ZNF804B: variants seen among roughly 807,000 people sequenced by gnomAD.
ZNF804B encodes the protein zinc finger 804B.
A neutral mutation model predicts 101.4 loss-of-function variants in ZNF804B; 80 were observed. The ratio of observed to expected loss-of-function variants is 0.79; its 90% CI spans 0.66 to 0.95. The LOEUF is 0.95. Ranked by LOEUF, ZNF804B falls within the 40% of genes least tolerant of loss-of-function variation. The pLI is 0.00. For synonymous variants in ZNF804B, 622 were observed against 558.8 expected, an observed-to-expected ratio of 1.11 and a Z score of -1.59; for missense variants, 1,673 against 1,561.9, an observed-to-expected ratio of 1.07 and a Z score of -1.20.
At chr7:89,283,686 A>G (rs1037564253) in intron 2 of ZNF804B, among the ~76,000 whole-genome samples, 1 of 152,046 alleles carries the variant, frequency 6.6e-6, no homozygotes, top group African/African-American at 2.4e-5. Flanking sequence ...AGAAATTATA[A>G]TTGTTTTTAT....
rs575526906 is a variant in ZNF804B at position 89,281,454 on chromosome 7, T to C, written c.250-45890T>C. Among the ~76,000 whole-genome samples, 317 of 152,314 alleles carry C rather than the reference T, an allele frequency of 2.1e-3. 1 individual carries two copies. Among genetic ancestry groups the C allele is most frequent in the African/African-American group, 7.3e-3 (303 of 41,592 alleles). On this transcript the variant is annotated intron_variant, in intron 2 of 3. Transcript: ENST00000333190. ...TAACATGAATTTATTTCAACCAGAA[T>C]AATTTAGGATGATTTGTAAAAATTC... is the stretch of plus-strand genomic sequence containing the variant.
rs869050718 is a variant in ZNF804B at position 88,898,073 on chromosome 7, C to CTTTTTTTTTTT, written c.108+138010_108+138020dup. ...CCTCCTTCCTATATTACTTCTCCAT[C>CTTTTTTTTTTT]TTTTTTTTTTTTTTTTTTTTTTTTT... On this transcript the variant is annotated intron_variant, in intron 1 of 3. Coordinates refer to ENST00000333190, the MANE Select transcript of ZNF804B (RefSeq NM_181646.5). Among the ~76,000 whole-genome samples, 6 of 56,572 alleles carry CTTTTTTTTTTT rather than the reference C, an allele frequency of 1.1e-4. 3 individuals carry two copies. The highest frequency in any genetic ancestry group is 1.8e-4 in the Non-Finnish European group (6 of 33,346). The allele number at this position is 56,572 out of a possible 152,430, so 37.1% of individuals were successfully genotyped here.
intron 1 of ZNF804B, among the ~76,000 whole-genome samples, chr7:88,799,818 T>C (rs1790552042): frequency 6.6e-6 from 1 of 152,106 alleles, no homozygotes; most frequent in African/African-American, 2.4e-5. Flanking sequence ...TGATGTTTAG[T>C]GCTTTAGAAA....
chr7:89,055,636 G>A (rs1013981492), intron 1 of ZNF804B, among the ~76,000 whole-genome samples: 3 of 151,996 alleles, frequency 2.0e-5, no homozygotes, highest in Non-Finnish European at 2.9e-5. Context: ...CTGCCCACCC[G>A]CTTCCTTTGT....
chr7:88,944,080 T>C (rs1793092737), intron 1 of ZNF804B, among the ~76,000 whole-genome samples: 2 of 151,908 alleles, frequency 1.3e-5, no homozygotes, highest in Admixed American at 1.3e-4. Flanking sequence ...TAAATTTGTG[T>C]GTAGAAATAT....
At chr7:88,951,136 G>A (rs927828836) in intron 1 of ZNF804B, among the ~76,000 whole-genome samples, 2 of 151,826 alleles carry the variant, frequency 1.3e-5, no homozygotes, top group African/African-American at 2.4e-5. Flanking sequence ...CTCTAGCATG[G>A]CAGAAAACCT....
At chr7:89,147,294 G>T (rs901321260) in intron 1 of ZNF804B, among the ~76,000 whole-genome samples, 3 of 151,792 alleles carry the variant, frequency 2.0e-5, no homozygotes, top group Non-Finnish European at 2.9e-5. Context: ...TTTAACCCAG[G>T]TATTGGAGAG....
At chr7:88,854,939 AT>A (rs1791532573) in intron 1 of ZNF804B, among the ~76,000 whole-genome samples, 1 of 151,386 alleles carries the variant, frequency 6.6e-6, no homozygotes. Flanking sequence ...TGAACTCATC[AT>A]TTTTTATGGC....
chr7:89,135,079 C>T (rs1015572290), intron 1 of ZNF804B, among the ~76,000 whole-genome samples: 17 of 152,154 alleles, frequency 1.1e-4, no homozygotes, highest in African/African-American at 3.1e-4. Flanking sequence ...AGAAAATATT[C>T]GTTGTATTTG....
intron 1 of ZNF804B, among the ~76,000 whole-genome samples, chr7:88,772,915 T>TG (rs1322676270): frequency 6.6e-6 from 1 of 152,164 alleles, no homozygotes; most frequent in Non-Finnish European, 1.5e-5. Flanking sequence ...TCTTGAATGG[T>TG]GAAAGCTTCT....
In ZNF804B at chr7:89,246,911, T is replaced by C. The variant is rs181703344; in HGVS notation, c.249+28616T>C. Among the ~76,000 whole-genome samples the C allele has an allele frequency of 3.6e-3, 550 of 152,240 alleles. 7 individuals are homozygous for C. The highest frequency in any genetic ancestry group is 0.012 in the African/African-American group (513 of 41,546). On this transcript the variant is annotated intron_variant, in intron 2 of 3. Coordinates refer to ENST00000333190, the MANE Select transcript of ZNF804B (RefSeq NM_181646.5). ...CTGTATGCATGGGTGCCATCTCTGC[T>C]TCATGTCCAGGCAAATCTCCAGGAA...
At chr7:88,995,759 T>C (rs1279989310) in intron 1 of ZNF804B, among the ~76,000 whole-genome samples, 1 of 151,914 alleles carries the variant, frequency 6.6e-6, no homozygotes, top group Non-Finnish European at 1.5e-5. Flanking sequence ...CCGATCAAAG[T>C]GAGAAAGTTG....
intron 1 of ZNF804B, among the ~76,000 whole-genome samples, chr7:89,145,398 C>T (rs538158861): frequency 1.2e-4 from 18 of 151,990 alleles, no homozygotes; most frequent in African/African-American, 4.3e-4. Context: ...AAGGCACTAT[C>T]TTAAAATAGA....
chr7:89,171,517 C>T (rs1055506007), intron 1 of ZNF804B, among the ~76,000 whole-genome samples: 1 of 151,864 alleles, frequency 6.6e-6, no homozygotes, highest in African/African-American at 2.4e-5. Context: ...TCACTGCAAT[C>T]TCTGCCTCCC....
chr7:89,067,773 A>G (rs1333503402), intron 1 of ZNF804B, among the ~76,000 whole-genome samples: 5 of 151,198 alleles, frequency 3.3e-5, no homozygotes, highest in African/African-American at 1.2e-4. Context: ...ATCATATTCT[A>G]TCTGTGTGAC....
In ZNF804B at chr7:89,185,603, G is replaced by C. The variant is rs1788364850; in HGVS notation, c.109-32552G>C. 2.0e-5 allele frequency among the ~76,000 whole-genome samples: 3 copies of C among 152,278 alleles called. No homozygotes were observed. The South Asian group carries it at 6.2e-4, about 32-fold the overall frequency. On this transcript the variant is annotated intron_variant, in intron 1 of 3. Coordinates refer to ENST00000333190, the MANE Select transcript of ZNF804B (RefSeq NM_181646.5). The stretch of plus-strand genomic sequence containing the variant: ...TGGTCGGGCGCGGTGGCTCATGCTT[G>C]TAATCCCCGCACTTTGAAAGGACGA...
chr7:89,282,100 C>T (rs1251745415), intron 2 of ZNF804B, among the ~76,000 whole-genome samples: 2 of 150,046 alleles, frequency 1.3e-5, no homozygotes. Flanking sequence ...ACTTGGGAGG[C>T]TGAGGCAGGA....
intron 1 of ZNF804B, among the ~76,000 whole-genome samples, chr7:89,199,116 C>G (rs1183855975): frequency 1.3e-5 from 2 of 151,814 alleles, no homozygotes; most frequent in African/African-American, 4.8e-5. Flanking sequence ...AACTTGTTAT[C>G]CATATAGTGT....
intron 1 of ZNF804B, among the ~76,000 whole-genome samples, chr7:88,844,489 C>G (rs1259462060): frequency 6.6e-6 from 1 of 152,180 alleles, no homozygotes; most frequent in African/African-American, 2.4e-5. Flanking sequence ...TTTCTCTACT[C>G]CCTGTATTAT....
Sources: allele counts gnomAD v4.1 joint callset (sites outside exome capture counted in the v4.1 genomes callset), GRCh38; gene constraint gnomAD v4.1.1; transcripts MANE v1.5; gene names NCBI Gene and HGNC (gene_info 2026-07-23, HGNC 2026-07-21).